Variants in RFXANK observed in about 807,000 individuals in gnomAD.
RFXANK encodes the protein DNA-binding protein RFXANK.
A neutral mutation model predicts 34.5 loss-of-function variants in RFXANK; 19 were observed. That is an observed-to-expected ratio of 0.55 (90% CI 0.38 to 0.81). The LOEUF (loss-of-function observed/expected upper bound fraction) is 0.81, where lower values mean the gene tolerates loss of function less well. Among genes scored for constraint, RFXANK ranks in the 30% least tolerant of loss-of-function variants. The pLI, the probability that RFXANK is intolerant of heterozygous loss-of-function variation, is 0.00. For synonymous variants in RFXANK, 154 were observed against 149.8 expected, an observed-to-expected ratio of 1.03 and a Z score of -0.20; for missense variants, 295 against 343.5, an observed-to-expected ratio of 0.86 and a Z score of 1.12.
At chr19:19,197,808 A>G (rs1005948802) in intron 6 of RFXANK, 187 bp downstream of exon 6, 9 of 664,112 alleles carry the variant, frequency 1.4e-5, no homozygotes, top group Non-Finnish European at 2.0e-5. Context: ...CAGGAGTTCA[A>G]GACCAGCCCG....
rs763348024 is a variant in RFXANK at position 19,197,647 on chromosome 19, T to TG, written c.438+32dup. 16 of 1,607,434 alleles carry TG rather than the reference T, an allele frequency of 1.0e-5. No individual in the cohort carries two copies. The East Asian group carries it at 3.1e-4, about 31-fold the overall frequency. ...GTGCGTCCCAGCCCAGCTGGGCAGC[T>TG]GGGGGGTTCCCGGGGGCCTTAGGGT... On this transcript the variant is annotated intron_variant, in intron 6 of 9. Transcript: ENST00000303088.
At chr19:19,199,695 G>A (rs2060667268) in intron 9 of RFXANK, among the ~76,000 whole-genome samples, 1 of 152,166 alleles carries the variant, frequency 6.6e-6, no homozygotes, top group African/African-American at 2.4e-5. Context: ...AGGCCTGGCA[G>A]TGAGGACACC....
Position 19,201,730 on chromosome 19 carries a change from C to G in RFXANK, c.*11C>G. The G allele has an allele frequency of 1.2e-6, 2 of 1,613,864 alleles. No homozygotes were observed. Among genetic ancestry groups the G allele is most frequent in the Non-Finnish European group, 1.7e-6 (2 of 1,179,966 alleles). On this transcript the variant is annotated 3_prime_UTR_variant, in exon 10 of 10. Transcript: ENST00000303088. ...GCTGACCCTGAGTGAAGGCCGCCTG[C>G]CGGGGACTCAGACACTCAGGGAACA... is the stretch of plus-strand genomic sequence containing the variant.
chr19:19,197,158 T>G (rs778331738), intron 4 of RFXANK, 28 bp from the exon 5 acceptor site: 1 of 1,613,544 alleles, frequency 6.2e-7, no homozygotes, highest in Non-Finnish European at 8.5e-7. Context: ...AGGGGATGAG[T>G]GAGGACTCTG....
intron 9 of RFXANK, among the ~76,000 whole-genome samples, chr19:19,200,272 G>T (rs1403983639): frequency 4.0e-5 from 6 of 149,940 alleles, no homozygotes; most frequent in African/African-American, 1.5e-4. Flanking sequence ...CCACCTCCCA[G>T]GTTCAAGCGA....
chr19:19,197,631 A>T lies in RFXANK; in HGVS notation c.438+10A>T, dbSNP rs576302120. The T allele has an allele frequency of 1.2e-6, 2 of 1,612,934 alleles. No individual in the cohort carries two copies. Among genetic ancestry groups the T allele is most frequent in the African/African-American group, 2.7e-5 (2 of 75,022 alleles). On this transcript the variant is annotated intron_variant, in intron 6 of 9. Coordinates refer to ENST00000303088, the MANE Select transcript of RFXANK (RefSeq NM_003721.4). Reference sequence around the variant, plus strand: ...CTTCCTGCTGGAGTGGGTGCGTCCCAGCCCAGCTGGGCAGCTGGGGGGTTC... The same window carrying T: ...CTTCCTGCTGGAGTGGGTGCGTCCCTGCCCAGCTGGGCAGCTGGGGGGTTC...
chr19:19,198,265 C>T, intron 7 of RFXANK, 33 bp downstream of exon 7: 1 of 1,613,556 alleles, frequency 6.2e-7, no homozygotes, highest in South Asian at 1.1e-5. Flanking sequence ...GACCTCTCAG[C>T]CTCCTGGCCT....
At chr19:19,195,737 A>ATTTTTTTT (rs61553021) in intron 3 of RFXANK, among the ~76,000 whole-genome samples, 1 of 105,688 alleles carries the variant, frequency 9.5e-6, no homozygotes, top group African/African-American at 3.8e-5. Context: ...CTGCTTTTAA[A>ATTTTTTTT]TTTTTTTTTT....
In RFXANK at chr19:19,201,773, TG is replaced by T; in HGVS notation, c.*58del. 5 of 1,613,576 alleles carry T rather than the reference TG, an allele frequency of 3.1e-6. No individual in the cohort carries two copies. The highest frequency in any genetic ancestry group is 4.2e-6 in the Non-Finnish European group (5 of 1,179,872). ...AGGGAACAAAATGGTCAGCCAGAGC[TG>T]GGGAAACCCAGAACTGACTTCAAAG... On this transcript the variant is annotated 3_prime_UTR_variant, in exon 10 of 10. Transcript: ENST00000303088.
At chr19:19,196,321 AG>A (rs2091201842) in intron 3 of RFXANK, among the ~76,000 whole-genome samples, 1 of 152,118 alleles carries the variant, frequency 6.6e-6, no homozygotes, top group South Asian at 2.1e-4. Context: ...GCACTTTGGG[AG>A]GCCACGGCAG....
intron 8 of RFXANK, 167 bp downstream of exon 8, chr19:19,198,890 C>A (rs1011074424): frequency 1.3e-6 from 1 of 797,046 alleles, no homozygotes. Flanking sequence ...GTGGTAGGAC[C>A]ACACGGGAGT....
intron 9 of RFXANK, 198 bp from the exon 10 acceptor site, chr19:19,201,451 T>C (rs1241242425): frequency 1.2e-5 from 19 of 1,538,146 alleles, no homozygotes; most frequent in Non-Finnish European, 1.6e-5. Flanking sequence ...TCTGAAAAGC[T>C]ACAAAAGTGC....
At chr19:19,194,191 C>A in intron 3 of RFXANK, 58 bp downstream of exon 3, 1 of 1,521,598 alleles carries the variant, frequency 6.6e-7, no homozygotes, top group Non-Finnish European at 9.1e-7. Context: ...GAATGTCAGG[C>A]CTCACATGGA....
Position 19,198,159 on chromosome 19 carries a change from C to T in RFXANK, c.491C>T (p.Ala164Val), listed in dbSNP as rs778781120. 6.2e-7 allele frequency: 1 copy of T among 1,614,170 alleles called. No individual in the cohort carries two copies. Among genetic ancestry groups the T allele is most frequent in the Non-Finnish European group, 8.5e-7 (1 of 1,180,020 alleles). ...GAGCGAGAGAGCGCCCTGTCGCTGG[C>T]CAGCACAGGCGGCTACACAGACATT... ...AKERESALSL[A>V]STGGYTDIVG... The change falls in exon 7 of 10, where the codon GCC (alanine) becomes GTC (valine). Residue 164 changes from alanine (A) to valine (V), a missense_variant. Physicochemically the swap from Ala to Val is moderately conservative, Grantham distance 64. Transcript: ENST00000303088.
intron 3 of RFXANK, among the ~76,000 whole-genome samples, chr19:19,196,042 T>C (rs980385799): frequency 1.3e-5 from 2 of 152,086 alleles, no homozygotes; most frequent in Non-Finnish European, 2.9e-5. Flanking sequence ...GTGCCCGGCC[T>C]TAAGTTCTTT....
At position 19,197,599 on chromosome 19, in the gene RFXANK, C is replaced by T. The variant is rs906618330; in HGVS notation, c.416C>T (p.Thr139Ile). The change falls in exon 6 of 10, where the codon ACC becomes ATC. Residue 139 changes from threonine to isoleucine, a missense_variant. Physicochemically the swap from Thr to Ile is moderately conservative, Grantham distance 89. Coordinates refer to ENST00000303088, the MANE Select transcript of RFXANK (RefSeq NM_003721.4). ...GCCTCCGCCTTTGGAGAGATTGAGA[C>T]CGTTCGCTTCCTGCTGGAGTGGGTG... ...IWASAFGEIE[T>I]VRFLLEWGAD... The T allele has an allele frequency of 3.7e-6, 6 of 1,613,700 alleles. No homozygotes were observed. The African/African-American group carries it at 8.0e-5, about 22-fold the overall frequency.
chr19:19,199,124 C>G, intron 8 of RFXANK, 30 bp from the exon 9 acceptor site: 1 of 1,607,470 alleles, frequency 6.2e-7, no homozygotes, highest in South Asian at 1.1e-5. Flanking sequence ...CCAGGCCCCA[C>G]CCTCCAGCGC....
intron 2 of RFXANK, among the ~76,000 whole-genome samples, chr19:19,193,694 G>A (rs1051009227): frequency 3.9e-5 from 6 of 152,032 alleles, no homozygotes; most frequent in African/African-American, 1.4e-4. Flanking sequence ...GATTACAGCC[G>A]TGAGCCACTG....
intron 3 of RFXANK, among the ~76,000 whole-genome samples, chr19:19,194,653 G>C (rs2060566366): frequency 6.6e-6 from 1 of 151,858 alleles, no homozygotes; most frequent in South Asian, 2.1e-4. Context: ...AGCCTCCCTA[G>C]GAGCTGGGAC....
Sources: allele counts gnomAD v4.1 joint callset (sites outside exome capture counted in the v4.1 genomes callset), GRCh38; gene constraint gnomAD v4.1.1; transcripts MANE v1.5; gene names NCBI Gene and HGNC (gene_info 2026-07-23, HGNC 2026-07-21).